Variants in LHCGR observed in about 807,000 individuals in gnomAD.
LHCGR encodes the protein lutropin-choriogonadotropic hormone receptor.
Under a neutral mutation model 60.7 loss-of-function variants are expected in LHCGR, and 55 were observed. The ratio of observed to expected loss-of-function variants is 0.91; its 90% CI spans 0.73 to 1.13. The LOEUF (loss-of-function observed/expected upper bound fraction) is 1.13, where lower values mean the gene tolerates loss of function less well. Among genes scored for constraint, LHCGR ranks in the 50% most tolerant of loss-of-function variants. The pLI, the probability that LHCGR is intolerant of heterozygous loss-of-function variation, is 0.00. For synonymous variants in LHCGR, 337 were observed against 316.5 expected (o/e 1.06, Z -0.69); for missense variants, 862 against 836.0 (o/e 1.03, Z -0.38).
Position 48,708,332 on chromosome 2 carries a change from C to T in LHCGR, c.680+616G>A, listed in dbSNP as rs190753137. 2.0e-5 allele frequency among the ~76,000 whole-genome samples: 3 copies of T among 152,266 alleles called. No individual in the cohort carries two copies. The East Asian group carries it at 5.8e-4, about 29-fold the overall frequency. Reference sequence around the variant, plus strand: ...TGGATTCCAGGTGGGTAGCCAGCCTCTTTGCCAGCACATGAGGCCACCCCT... The same window carrying T: ...TGGATTCCAGGTGGGTAGCCAGCCTTTTTGCCAGCACATGAGGCCACCCCT... On this transcript the variant is annotated intron_variant, in intron 8 of 10. Transcript: ENST00000294954.
chr2:48,740,101 G>A (rs1000689336), intron 1 of LHCGR, among the ~76,000 whole-genome samples: 1 of 152,210 alleles, frequency 6.6e-6, no homozygotes, highest in Admixed American at 6.5e-5. Flanking sequence ...GGAAAATCGG[G>A]TCACTCCCAC....
intron 6 of LHCGR, among the ~76,000 whole-genome samples, chr2:48,722,258 G>A (rs1668533129): frequency 6.6e-6 from 1 of 152,210 alleles, no homozygotes; most frequent in Non-Finnish European, 1.5e-5. Flanking sequence ...AGTCTGGCAA[G>A]TGTCCTGTGA....
chr2:48,738,509 C>T (rs1245237808), intron 1 of LHCGR, among the ~76,000 whole-genome samples: 1 of 152,202 alleles, frequency 6.6e-6, no homozygotes, highest in African/African-American at 2.4e-5. Flanking sequence ...ATTCTCATGT[C>T]AAGCAGCTTC....
intron 2 of LHCGR, among the ~76,000 whole-genome samples, chr2:48,730,814 A>T (rs1344005505): frequency 6.6e-6 from 1 of 152,212 alleles, no homozygotes; most frequent in African/African-American, 2.4e-5. Flanking sequence ...TCATATACTT[A>T]TATTTTAGAT....
At chr2:48,705,971 G>A (rs1667645589) in intron 8 of LHCGR, among the ~76,000 whole-genome samples, 1 of 152,186 alleles carries the variant, frequency 6.6e-6, no homozygotes, top group Non-Finnish European at 1.5e-5. Flanking sequence ...GTTAGTTGAT[G>A]CAGTTTCTTC....
chr2:48,706,256 C>G (rs1419517170), intron 8 of LHCGR, among the ~76,000 whole-genome samples: 1 of 152,222 alleles, frequency 6.6e-6, no homozygotes, highest in Non-Finnish European at 1.5e-5. Flanking sequence ...TTTCTGCTGA[C>G]AGATCAGCTG....
chr2:48,731,257 G>A lies in LHCGR; in HGVS notation c.203C>T (p.Ala68Val), dbSNP rs944199288. 4 of 1,611,558 alleles carry A rather than the reference G, an allele frequency of 2.5e-6. No individual in the cohort carries two copies. The highest frequency in any genetic ancestry group is 3.3e-5 in the Admixed American group (2 of 59,956). Residue 68 changes from alanine to valine, a missense_variant, in exon 2 of 11, where the codon GCT becomes GTT. By Grantham distance (64) the Ala-to-Val change is moderately conservative. Transcript: ENST00000294954. ...TATGACCTCATTAAGTCCTCTGAAA[G>A]CTTGAGATGGGATCACTTTGACAGG... The part of the protein sequence containing the change: ...YLPVKVIPSQ[A>V]FRGLNEVIKI...
At chr2:48,741,660 C>G (rs991245431) in intron 1 of LHCGR, among the ~76,000 whole-genome samples, 15 of 151,152 alleles carry the variant, frequency 9.9e-5, no homozygotes, top group Admixed American at 3.3e-4. Flanking sequence ...TTGTCACCAC[C>G]AGGCCTGCCC....
intron 9 of LHCGR, 67 bp from the exon 10 acceptor site, chr2:48,694,371 C>G: frequency 1.1e-6 from 1 of 922,266 alleles, no homozygotes; most frequent in East Asian, 2.6e-5. Context: ...GACTGTGCGT[C>G]TATTTATGCT....
intron 8 of LHCGR, among the ~76,000 whole-genome samples, chr2:48,702,459 G>A (rs1203298339): frequency 4.6e-5 from 7 of 151,618 alleles, no homozygotes; most frequent in Admixed American, 3.3e-4. Flanking sequence ...TTCCCCCTCC[G>A]TGTCGATGTG....
chr2:48,701,470 G>A (rs1667404740), intron 8 of LHCGR, among the ~76,000 whole-genome samples: 1 of 152,070 alleles, frequency 6.6e-6, no homozygotes, highest in Non-Finnish European at 1.5e-5. Flanking sequence ...TGCTTTTGCT[G>A]TTCCCCCTCC....
rs995271881 is a variant in LHCGR, at chr2:48,704,021, G to A, written c.680+4927C>T. On this transcript the variant is annotated intron_variant, in intron 8 of 10. Transcript: ENST00000294954. ...CCCATTTGGTATGATATTGGCTGTGGGTTTGTCATAGATAGCTCTTATTAT... is the reference window on the plus strand; with the variant it reads ...CCCATTTGGTATGATATTGGCTGTGAGTTTGTCATAGATAGCTCTTATTAT... 7.2e-5 allele frequency among the ~76,000 whole-genome samples: 11 copies of A among 152,184 alleles called. No individual in the cohort carries two copies. The South Asian group carries it at 2.1e-3, about 29-fold the overall frequency.
intron 1 of LHCGR, among the ~76,000 whole-genome samples, chr2:48,741,538 C>A (rs4340580): frequency 0.71 from 100,576 of 141,314 alleles, 34,226 homozygotes; most frequent in African/African-American, 0.82. Flanking sequence ...GCCAATATTC[C>A]ACATTCTTAA....
At chr2:48,727,861 A>G (rs1572870539) in intron 3 of LHCGR, among the ~76,000 whole-genome samples, 1 of 152,324 alleles carries the variant, frequency 6.6e-6, no homozygotes, top group East Asian at 1.9e-4. Context: ...GTACTTACCA[A>G]TTAATTATTC....
chr2:48,696,114 C>A (rs1268164804), intron 9 of LHCGR, among the ~76,000 whole-genome samples: 1 of 151,816 alleles, frequency 6.6e-6, no homozygotes, highest in Non-Finnish European at 1.5e-5. Context: ...CTTATTTCTT[C>A]TCTCCTCATA....
chr2:48,722,821 T>C (rs1177172011), intron 6 of LHCGR, among the ~76,000 whole-genome samples: 1 of 152,176 alleles, frequency 6.6e-6, no homozygotes, highest in East Asian at 1.9e-4. Flanking sequence ...ACACCAGCTC[T>C]CAGAAGATGC....
chr2:48,688,885 T>G lies in LHCGR; in HGVS notation c.948-36A>C. 1 of 1,585,644 alleles carries G rather than the reference T, an allele frequency of 6.3e-7. No homozygotes were observed. The highest frequency in any genetic ancestry group is 1.3e-5 in the African/African-American group (1 of 74,498). On this transcript the variant is annotated intron_variant, in intron 10 of 10. Coordinates refer to ENST00000294954, the MANE Select transcript of LHCGR (RefSeq NM_000233.4). This position sits in a 1 kb window ranked among gnomAD's most constrained non-coding sequence, Gnocchi z 5.2. Reference sequence around the variant, plus strand: ...AATTATTGGCTTGAGGTAAGGGATTTTCTCTGAGTATTAAAAAATTCAAGA... The same window carrying G: ...AATTATTGGCTTGAGGTAAGGGATTGTCTCTGAGTATTAAAAAATTCAAGA...
intron 1 of LHCGR, among the ~76,000 whole-genome samples, chr2:48,738,531 C>G (rs148299921): frequency 6.6e-6 from 1 of 152,330 alleles, no homozygotes; most frequent in Non-Finnish European, 1.5e-5. Context: ...TTGCCACCCC[C>G]TCAGCCAACC....
chr2:48,692,422 T>C (rs1306030627), intron 10 of LHCGR, among the ~76,000 whole-genome samples: 2 of 152,240 alleles, frequency 1.3e-5, no homozygotes, highest in Non-Finnish European at 2.9e-5. Flanking sequence ...CTTCTGGGCA[T>C]ATGTCTAGCA....
Sources: allele counts gnomAD v4.1 joint callset (sites outside exome capture counted in the v4.1 genomes callset), GRCh38; gene constraint gnomAD v4.1.1; non-coding constraint Gnocchi (gnomAD v3.1); transcripts MANE v1.5; gene names NCBI Gene and HGNC (gene_info 2026-07-23, HGNC 2026-07-21).